Variants in CAMTA1 observed in about 807,000 individuals in gnomAD.
The protein encoded by CAMTA1 is calmodulin binding transcription activator 1, also known as calmodulin-binding transcription activator 1.
CAMTA1 carries 27 observed loss-of-function variants against 170.9 expected under a neutral mutation model. The observed-to-expected ratio is 0.16, with a 90% CI of 0.12 to 0.22. The LOEUF is 0.22. CAMTA1 is among the 10% of genes least tolerant of loss of function. CAMTA1 has a pLI of 1.00. For missense variants in CAMTA1, 1,619 were observed against 2,217.2 expected, an observed-to-expected ratio of 0.73 and a Z score of 5.42; for synonymous variants, 833 against 891.5, an observed-to-expected ratio of 0.93 and a Z score of 1.17.
intron 3 of CAMTA1, among the ~76,000 whole-genome samples, chr1:6,963,817 G>A (rs1317574277): frequency 1.3e-5 from 2 of 152,166 alleles, no homozygotes; most frequent in Non-Finnish European, 2.9e-5. Flanking sequence ...CCCTCACCAT[G>A]GGCCAAGAGC....
chr1:7,121,632 G>T (rs1644645804), intron 4 of CAMTA1, among the ~76,000 whole-genome samples: 1 of 152,240 alleles, frequency 6.6e-6, no homozygotes, highest in Admixed American at 6.5e-5. Flanking sequence ...GATCACCTCA[G>T]TGCCCAGGGG....
chr1:7,437,231 A>G (rs2092376855), intron 5 of CAMTA1, among the ~76,000 whole-genome samples: 1 of 152,180 alleles, frequency 6.6e-6, no homozygotes, highest in South Asian at 2.1e-4. Flanking sequence ...AGGCCTGGAA[A>G]GCGGATCATC....
In CAMTA1 at chr1:7,443,222, A is replaced by G. The variant is rs1046733019; in HGVS notation, c.439-24608A>G. Among the ~76,000 whole-genome samples the G allele has an allele frequency of 6.6e-6, 1 of 152,236 alleles. No homozygotes were observed. Among genetic ancestry groups the G allele is most frequent in the Non-Finnish European group, 1.5e-5 (1 of 68,046 alleles). On this transcript the variant is annotated intron_variant, in intron 5 of 22. Transcript: ENST00000303635. The surrounding 1 kb of genome is among the most constrained non-coding windows in gnomAD (Gnocchi z 4.1). ...AAGCTTCATACCCTAGACGTGTATG[A>G]TGATCTGCATGAAGTCCATTTCCCC... is the stretch of plus-strand genomic sequence containing the variant.
chr1:7,385,992 A>T (rs895986857), intron 5 of CAMTA1, among the ~76,000 whole-genome samples: 1 of 152,000 alleles, frequency 6.6e-6, no homozygotes, highest in Non-Finnish European at 1.5e-5. Context: ...CCCCCATGCT[A>T]AGGGTGCTGC....
intron 3 of CAMTA1, among the ~76,000 whole-genome samples, chr1:6,951,663 G>A (rs1688508735): frequency 6.6e-6 from 1 of 152,172 alleles, no homozygotes. Flanking sequence ...GGCTCTAGGG[G>A]GACCATTCTC....
rs1360464629 is a variant in CAMTA1, at chr1:7,456,380, A to G, written c.439-11450A>G. Among the ~76,000 whole-genome samples the G allele has an allele frequency of 6.6e-6, 1 of 152,232 alleles. No homozygotes were observed. The highest frequency in any genetic ancestry group is 1.9e-4 in the East Asian group (1 of 5,192). On this transcript the variant is annotated intron_variant, in intron 5 of 22. Transcript: ENST00000303635. This position sits in a 1 kb window ranked among gnomAD's most constrained non-coding sequence, Gnocchi z 4.9. ...AGCTCTAGCCACTTGGCAGGGCTCC[A>G]AGAAATAGGTCTCAGCGGTACATTT...
At chr1:7,081,753 T>C (rs11120837) in intron 3 of CAMTA1, among the ~76,000 whole-genome samples, 9,198 of 152,244 alleles carry the variant, frequency 0.06, 313 homozygotes, top group African/African-American at 0.095. Context: ...CGCCAAGCAG[T>C]GGTTGCTGTG....
chr1:6,919,620 G>A (rs1681554716), intron 3 of CAMTA1, among the ~76,000 whole-genome samples: 1 of 152,196 alleles, frequency 6.6e-6, no homozygotes, highest in African/African-American at 2.4e-5. Flanking sequence ...GGGTGTATTA[G>A]TCTGTTTTCA....
chr1:7,055,359 C>T (rs1387871189), intron 3 of CAMTA1, among the ~76,000 whole-genome samples: 1 of 152,200 alleles, frequency 6.6e-6, no homozygotes, highest in Non-Finnish European at 1.5e-5. Flanking sequence ...CTGTGCACAG[C>T]ACCTCCAAGT....
chr1:7,498,373 GTA>G (rs200560655), intron 6 of CAMTA1, among the ~76,000 whole-genome samples: 9 of 147,558 alleles, frequency 6.1e-5, no homozygotes, highest in African/African-American at 1.3e-4. Context: ...GGATGTGTGT[GTA>G]TGAGTGGATG....
Position 7,234,296 on chromosome 1 carries a change from G to A in CAMTA1, c.303-15195G>A, listed in dbSNP as rs530748064. Among the ~76,000 whole-genome samples the A allele has an allele frequency of 7.2e-5, 11 of 152,208 alleles. No homozygotes were observed. Among genetic ancestry groups the A allele is most frequent in the East Asian group, 1.9e-4 (1 of 5,162 alleles). On this transcript the variant is annotated intron_variant, in intron 4 of 22. Transcript: ENST00000303635. The surrounding 1 kb of genome is among the most constrained non-coding windows in gnomAD (Gnocchi z 5.0). ...AGCCAGCATTCATGTCCTTGCCTTCGCCTCCGCTTCCACCCAGATGCTGCG... is the reference window on the plus strand; with the variant it reads ...AGCCAGCATTCATGTCCTTGCCTTCACCTCCGCTTCCACCCAGATGCTGCG...
intron 3 of CAMTA1, among the ~76,000 whole-genome samples, chr1:7,078,675 A>G (rs1410912783): frequency 6.6e-6 from 1 of 152,246 alleles, no homozygotes; most frequent in Admixed American, 6.5e-5. Context: ...GCTACAAACA[A>G]TGATAAAACT....
intron 3 of CAMTA1, among the ~76,000 whole-genome samples, chr1:7,013,409 C>CG (rs1259478217): frequency 6.6e-6 from 1 of 151,942 alleles, no homozygotes; most frequent in Non-Finnish European, 1.5e-5. Flanking sequence ...GATGGGGTTT[C>CG]GCCATGTTGA....
At chr1:7,647,432 C>T (rs1363351656) in intron 7 of CAMTA1, among the ~76,000 whole-genome samples, 2 of 152,130 alleles carry the variant, frequency 1.3e-5, no homozygotes, top group East Asian at 3.9e-4. Context: ...CCAGTGGCAG[C>T]GGCCCCGCTC....
chr1:7,438,295 T>C (rs1470720969), intron 5 of CAMTA1, among the ~76,000 whole-genome samples: 1 of 151,942 alleles, frequency 6.6e-6, no homozygotes, highest in African/African-American at 2.4e-5. Flanking sequence ...GGGTGGAGCA[T>C]GGTGGAGAAG....
At chr1:7,385,190 A>G (rs1436341818) in intron 5 of CAMTA1, among the ~76,000 whole-genome samples, 1 of 151,140 alleles carries the variant, frequency 6.6e-6, no homozygotes, top group Non-Finnish European at 1.5e-5. Context: ...CCCAGGTTCA[A>G]ACTATTCTCC....
intron 4 of CAMTA1, among the ~76,000 whole-genome samples, chr1:7,096,110 A>G (rs936046982): frequency 2.0e-5 from 3 of 152,234 alleles, no homozygotes; most frequent in Non-Finnish European, 2.9e-5. Flanking sequence ...GAATTTTCCT[A>G]TGATGAACAC....
At chr1:7,131,570 AT>A (rs1645258928) in intron 4 of CAMTA1, among the ~76,000 whole-genome samples, 1 of 122,908 alleles carries the variant, frequency 8.1e-6, no homozygotes, top group Non-Finnish European at 1.8e-5. Context: ...TTCCTGCACT[AT>A]TTGTTGAAAT....
chr1:6,939,951 A>G (rs1313567651), intron 3 of CAMTA1, among the ~76,000 whole-genome samples: 2 of 152,254 alleles, frequency 1.3e-5, no homozygotes, highest in African/African-American at 4.8e-5. Flanking sequence ...GAATGCATGC[A>G]TGACTGTGCA....
Sources: gnomAD v4.1 joint callset for allele counts (sites outside exome capture counted in the v4.1 genomes callset) on GRCh38, gnomAD v4.1.1 for gene constraint, Gnocchi (gnomAD v3.1) non-coding constraint, MANE v1.5 for transcripts, NCBI Gene and HGNC (gene_info 2026-07-23, HGNC 2026-07-21) for gene names.